Variants in EPB41L2 observed in about 807,000 individuals in gnomAD.
EPB41L2 encodes the protein band 4.1-like protein 2.
EPB41L2 carries 43 observed loss-of-function variants against 113.0 expected under a neutral mutation model. The observed-to-expected ratio is 0.38, with a 90% confidence interval of 0.30 to 0.49. The LOEUF (loss-of-function observed/expected upper bound fraction) is 0.49, where lower values mean the gene tolerates loss of function less well. Among genes scored for constraint, EPB41L2 ranks in the 20% least tolerant of loss-of-function variants. The pLI, the probability that EPB41L2 is intolerant of heterozygous loss-of-function variation, is 0.95. For synonymous variants in EPB41L2, 442 were observed against 436.7 expected, an observed-to-expected ratio of 1.01 and a Z score of -0.15; for missense variants, 1,147 against 1,223.4, an observed-to-expected ratio of 0.94 and a Z score of 0.93.
At chr6:131,011,262 T>C (rs998426971) in intron 1 of EPB41L2, among the ~76,000 whole-genome samples, 1 of 152,108 alleles carries the variant, frequency 6.6e-6, no homozygotes, top group Non-Finnish European at 1.5e-5. Flanking sequence ...GAGCCATTCA[T>C]AAAGGATGGA....
At chr6:130,967,102 C>T (rs1052105386) in intron 1 of EPB41L2, among the ~76,000 whole-genome samples, 22 of 152,124 alleles carry the variant, frequency 1.4e-4, no homozygotes, top group African/African-American at 5.3e-4. Context: ...AGTTGTCCCT[C>T]AGTATCTGTG....
At chr6:130,894,134 C>A (rs138874732) in intron 10 of EPB41L2, among the ~76,000 whole-genome samples, 4 of 152,244 alleles carry the variant, frequency 2.6e-5, no homozygotes, top group Non-Finnish European at 4.4e-5. Flanking sequence ...CCCACCACTA[C>A]CACCTCCTAA....
In EPB41L2 at chr6:130,894,845, T is replaced by G. The variant is rs1472017002; in HGVS notation, c.1389+122A>C. The G allele has an allele frequency of 2.6e-6, 3 of 1,137,072 alleles. No homozygotes were observed. In the African/African-American group the frequency reaches 4.7e-5, roughly 18 times the overall value. The allele number at this position is 1,137,072 out of a possible 1,614,324, so 70.4% of individuals were successfully genotyped here. ...TTTTACCATTAAGAACCCTGACCTT[T>G]TACAATGGAAGAATAAATAGTTTAT... is the stretch of plus-strand genomic sequence containing the variant. On this transcript the variant is annotated intron_variant, in intron 9 of 19. Coordinates refer to ENST00000337057, the MANE Select transcript of EPB41L2 (RefSeq NM_001431.4).
intron 4 of EPB41L2, among the ~76,000 whole-genome samples, chr6:130,910,239 T>C (rs1403357915): frequency 6.6e-6 from 1 of 152,244 alleles, no homozygotes; most frequent in South Asian, 2.1e-4. Context: ...TCTACAACCA[T>C]CTGATTTTTG....
chr6:130,986,600 T>G (rs893920610), intron 1 of EPB41L2, among the ~76,000 whole-genome samples: 3 of 150,714 alleles, frequency 2.0e-5, no homozygotes, highest in African/African-American at 7.4e-5. Context: ...TTTTTTTTTT[T>G]GAGATGGAGT....
chr6:130,990,600 C>T (rs1218044686), intron 1 of EPB41L2, among the ~76,000 whole-genome samples: 2 of 151,930 alleles, frequency 1.3e-5, no homozygotes, highest in African/African-American at 4.8e-5. Context: ...AGAGATGGTA[C>T]GAAGCAGCAA....
chr6:131,055,957 A>G lies in EPB41L2; in HGVS notation c.-15+7198T>C, dbSNP rs139108894. ...GAACTGAGCATAAAATGCGTGCGTC[A>G]GGGACAGGTTAAGCAAAGCAGCTGA... On this transcript the variant is annotated intron_variant, in intron 1 of 19. Transcript: ENST00000337057. 4.3e-4 allele frequency among the ~76,000 whole-genome samples: 65 copies of G among 152,338 alleles called. No individual in the cohort carries two copies. In the South Asian group the frequency reaches 1.0e-2, roughly 23 times the overall value.
intron 3 of EPB41L2, among the ~76,000 whole-genome samples, chr6:130,941,266 T>C (rs1810782040): frequency 6.6e-6 from 1 of 152,206 alleles, no homozygotes; most frequent in Non-Finnish European, 1.5e-5. Flanking sequence ...AGGATTTTTG[T>C]CCAACTTTTT....
In EPB41L2 at chr6:130,890,600, C is replaced by T. The variant is rs368323499; in HGVS notation, c.1488-134G>A. The T allele has an allele frequency of 1.7e-4, 176 of 1,061,758 alleles. 2 individuals carry two copies. In the East Asian group the frequency reaches 2.4e-3, roughly 14 times the overall value. 65.8% of individuals were successfully genotyped at this position (1,061,758 alleles called of 1,614,324 possible). ...TAAGTATGATTACTCAAAAACTAAA[C>T]TTTCTAAAGAACATTATTTATAAAC... On this transcript the variant is annotated intron_variant, in intron 10 of 19. Transcript: ENST00000337057.
intron 1 of EPB41L2, among the ~76,000 whole-genome samples, chr6:131,032,271 G>A (rs1792321381): frequency 6.6e-6 from 1 of 152,012 alleles, no homozygotes; most frequent in South Asian, 2.1e-4. Context: ...CCTTCCTTCA[G>A]TTTTTTCATC....
chr6:130,944,433 C>T (rs73774324), intron 3 of EPB41L2, among the ~76,000 whole-genome samples: 4,005 of 152,120 alleles, frequency 0.026, 180 homozygotes, highest in African/African-American at 0.092. Context: ...TCCAGAGAAA[C>T]TAATAATAAA....
At chr6:130,990,238 T>G (rs1781502520) in intron 1 of EPB41L2, among the ~76,000 whole-genome samples, 1 of 151,636 alleles carries the variant, frequency 6.6e-6, no homozygotes. Context: ...AGAGAATCGC[T>G]GGAACCTGGG....
At chr6:130,899,451 C>T in intron 8 of EPB41L2, 40 bp downstream of exon 8, 3 of 1,550,782 alleles carry the variant, frequency 1.9e-6, no homozygotes, top group South Asian at 2.2e-5. Context: ...CCTCAGTCAA[C>T]AGACTACTAT....
intron 1 of EPB41L2, among the ~76,000 whole-genome samples, chr6:131,062,763 G>T (rs1798942703): frequency 6.6e-6 from 1 of 151,880 alleles, no homozygotes; most frequent in Admixed American, 6.5e-5. Flanking sequence ...CTGAGCCCAC[G>T]GCACCCCGGG....
At chr6:130,890,595 C>T in intron 10 of EPB41L2, 129 bp from the exon 11 acceptor site, 2 of 1,069,576 alleles carry the variant, frequency 1.9e-6, no homozygotes, top group Non-Finnish European at 2.6e-6. Context: ...TACTCAAAAA[C>T]TAAACTTTCT....
At chr6:130,990,213 C>T (rs1781495945) in intron 1 of EPB41L2, among the ~76,000 whole-genome samples, 1 of 151,830 alleles carries the variant, frequency 6.6e-6, no homozygotes, top group African/African-American at 2.4e-5. Flanking sequence ...TCCAGCTACA[C>T]AGGAGGCTGA....
intron 11 of EPB41L2, 88 bp from the exon 12 acceptor site, chr6:130,885,356 G>A: frequency 4.7e-6 from 6 of 1,268,640 alleles, no homozygotes; most frequent in Non-Finnish European, 6.8e-6. Flanking sequence ...AGATAAACAG[G>A]CAGCATATAA....
intron 14 of EPB41L2, among the ~76,000 whole-genome samples, chr6:130,871,875 T>C (rs532106525): frequency 7.2e-5 from 11 of 152,330 alleles, no homozygotes; most frequent in South Asian, 2.1e-4. Flanking sequence ...GAATTATTAT[T>C]ATTGTTATAT....
chr6:131,051,460 A>AAAAC (rs1482563097), intron 1 of EPB41L2, among the ~76,000 whole-genome samples: 1 of 149,756 alleles, frequency 6.7e-6, no homozygotes, highest in Non-Finnish European at 1.5e-5. Flanking sequence ...AGCAAAAAAA[A>AAAAC]AAAAAACACA....
Sources: gnomAD v4.1 joint callset for allele counts (sites outside exome capture counted in the v4.1 genomes callset) on GRCh38, gnomAD v4.1.1 for gene constraint, MANE v1.5 for transcripts, NCBI Gene and HGNC (gene_info 2026-07-23, HGNC 2026-07-21) for gene names.